WDR7: variants seen among roughly 807,000 people sequenced by gnomAD.
WDR7 encodes WD repeat-containing protein 7.
In WDR7, 46 loss-of-function variants were observed where a neutral mutation model predicts 169.4. The observed-to-expected ratio is 0.27, with a 90% CI of 0.21 to 0.35. WDR7 has a LOEUF of 0.35. Among genes scored for constraint, WDR7 ranks in the 10% least tolerant of loss-of-function variants. WDR7 has a pLI of 1.00. For synonymous variants in WDR7, 612 were observed against 666.8 expected (o/e 0.92, Z 1.27); for missense variants, 1,534 against 1,859.3 (o/e 0.83, Z 3.22).
chr18:56,662,711 G>C (rs1253895978), intron 1 of WDR7, among the ~76,000 whole-genome samples: 1 of 152,112 alleles, frequency 6.6e-6, no homozygotes, highest in African/African-American at 2.4e-5. Flanking sequence ...ACAGGTGATG[G>C]AGGAACAAGG....
In WDR7 at chr18:56,842,136, T is replaced by A. The variant is rs544768291; in HGVS notation, c.3304+25992T>A. ...TATTTGTTTTCATTTTAACATTTAG[T>A]TGAAACCTATCTTAGTCCCTTTTGT... On this transcript the variant is annotated intron_variant, in intron 20 of 27. Coordinates refer to ENST00000254442, the MANE Select transcript of WDR7 (RefSeq NM_015285.3). Among the ~76,000 whole-genome samples, 8 of 152,308 alleles carry A rather than the reference T, an allele frequency of 5.3e-5. No individual in the cohort carries two copies. The South Asian group carries it at 1.7e-3, about 32-fold the overall frequency.
At position 56,696,478 on chromosome 18, in the gene WDR7, T is replaced by C. The variant is rs760442464; in HGVS notation, c.1578+16T>C. On this transcript the variant is annotated intron_variant, in intron 12 of 27. Transcript: ENST00000254442. ...AAACTGTAGTGTAAGTTGATTTATATAAAAGATTATTTCACTATGGTAGAG... is the reference window on the plus strand; with the variant it reads ...AAACTGTAGTGTAAGTTGATTTATACAAAAGATTATTTCACTATGGTAGAG... The C allele has an allele frequency of 1.8e-5, 29 of 1,590,150 alleles. No homozygotes were observed. The highest frequency in any genetic ancestry group is 2.3e-5 in the Non-Finnish European group (27 of 1,166,350).
intron 19 of WDR7, among the ~76,000 whole-genome samples, chr18:56,800,614 C>T (rs1347342492): frequency 6.6e-6 from 1 of 152,062 alleles, no homozygotes; most frequent in Non-Finnish European, 1.5e-5. Context: ...TATTTTGTCC[C>T]CAAAGACCCA....
intron 2 of WDR7, among the ~76,000 whole-genome samples, chr18:56,676,959 T>G (rs924585930): frequency 2.6e-5 from 4 of 152,224 alleles, no homozygotes; most frequent in African/African-American, 9.6e-5. Context: ...TTGTACCGTC[T>G]GTGTCTTGAA....
At chr18:56,861,860 C>A (rs751809795) in intron 20 of WDR7, among the ~76,000 whole-genome samples, 8 of 152,004 alleles carry the variant, frequency 5.3e-5, no homozygotes. Flanking sequence ...GCTTAATAGC[C>A]TCGAGTGTAA....
At chr18:57,001,504 CTGA>C (rs1342261028) in intron 26 of WDR7, among the ~76,000 whole-genome samples, 1 of 152,166 alleles carries the variant, frequency 6.6e-6, no homozygotes, top group Non-Finnish European at 1.5e-5. Context: ...TCACTCTTTC[CTGA>C]TGTATCTATT....
chr18:57,013,871 T>C (rs146437538), intron 26 of WDR7, among the ~76,000 whole-genome samples: 9 of 152,154 alleles, frequency 5.9e-5, no homozygotes, highest in Admixed American at 3.9e-4. Context: ...ACTGTACGAG[T>C]TTTTCCTTTT....
chr18:56,857,185 A>C lies in WDR7; in HGVS notation c.3305-22759A>C, dbSNP rs181067458. On this transcript the variant is annotated intron_variant, in intron 20 of 27. Coordinates refer to ENST00000254442, the MANE Select transcript of WDR7 (RefSeq NM_015285.3). The stretch of plus-strand genomic sequence containing the variant: ...CTAGAGTGGAAGGAAAGTAATAAAT[A>C]GTGGTTTCTGATATAGTATTCTTCC... Among the ~76,000 whole-genome samples the C allele has an allele frequency of 2.6e-4, 40 of 152,348 alleles. 1 individual carries two copies. The East Asian group carries it at 2.7e-3, about 10-fold the overall frequency.
At chr18:56,862,829 A>G (rs2045827243) in intron 20 of WDR7, among the ~76,000 whole-genome samples, 1 of 151,856 alleles carries the variant, frequency 6.6e-6, no homozygotes, top group Non-Finnish European at 1.5e-5. Flanking sequence ...ATGGCTATCT[A>G]ATTTTACCTG....
intron 4 of WDR7, among the ~76,000 whole-genome samples, chr18:56,682,396 A>G (rs1271194400): frequency 6.6e-6 from 1 of 152,218 alleles, no homozygotes; most frequent in Non-Finnish European, 1.5e-5. Context: ...AGAGGGGGAT[A>G]AAAACAATTA....
intron 21 of WDR7, among the ~76,000 whole-genome samples, chr18:56,912,310 C>T (rs1292479683): frequency 6.6e-6 from 1 of 152,136 alleles, no homozygotes; most frequent in Non-Finnish European, 1.5e-5. Flanking sequence ...AAACCAGAGA[C>T]ACTCATATCC....
intron 21 of WDR7, among the ~76,000 whole-genome samples, chr18:56,901,868 C>G (rs2046407268): frequency 6.6e-6 from 1 of 152,004 alleles, no homozygotes. Flanking sequence ...GTTGTCAGTT[C>G]ACTGGGACAG....
chr18:56,674,317 T>C (rs1397357233), intron 2 of WDR7, among the ~76,000 whole-genome samples: 1 of 152,196 alleles, frequency 6.6e-6, no homozygotes, highest in African/African-American at 2.4e-5. Flanking sequence ...TCTTTTTGAT[T>C]CTAGCCCGAA....
intron 14 of WDR7, among the ~76,000 whole-genome samples, chr18:56,755,097 CT>C (rs915261715): frequency 6.1e-5 from 9 of 146,396 alleles, no homozygotes; most frequent in Admixed American, 2.0e-4. Flanking sequence ...TAGTTTTTTT[CT>C]TTTTTTTTTC....
rs1034469245 is a variant in WDR7, at chr18:56,725,938, G to C, written c.1775-5445G>C. Among the ~76,000 whole-genome samples the C allele has an allele frequency of 4.1e-4, 62 of 152,274 alleles. 1 individual carries two copies. The highest frequency in any genetic ancestry group is 1.4e-3 in the African/African-American group (60 of 41,560). ...TCCTTTCCCCATTTCTTGTTTTTGT[G>C]AGGTTTGTCAAAGATCAAATAGTTG... On this transcript the variant is annotated intron_variant, in intron 13 of 27. Coordinates refer to ENST00000254442, the MANE Select transcript of WDR7 (RefSeq NM_015285.3).
At chr18:56,937,480 A>G (rs960093286) in intron 23 of WDR7, among the ~76,000 whole-genome samples, 5 of 152,190 alleles carry the variant, frequency 3.3e-5, no homozygotes, top group African/African-American at 4.8e-5. Flanking sequence ...AGTATTTCTT[A>G]TTATTATCTC....
At chr18:56,963,835 T>G (rs1182128583) in intron 26 of WDR7, among the ~76,000 whole-genome samples, 1 of 152,110 alleles carries the variant, frequency 6.6e-6, no homozygotes, top group Non-Finnish European at 1.5e-5. Context: ...GTTCTTCAGA[T>G]AGCATTTTCA....
chr18:56,734,804 C>T (rs2026664409), intron 14 of WDR7, among the ~76,000 whole-genome samples: 1 of 152,052 alleles, frequency 6.6e-6, no homozygotes, highest in African/African-American at 2.4e-5. Context: ...TAAACTTCTT[C>T]AGGACAGCAG....
intron 20 of WDR7, among the ~76,000 whole-genome samples, chr18:56,853,333 A>G (rs552054982): frequency 6.6e-6 from 1 of 152,262 alleles, no homozygotes; most frequent in Non-Finnish European, 1.5e-5. Context: ...GTCGTATATC[A>G]TAAACATTGT....
Sources: allele counts gnomAD v4.1 joint callset (sites outside exome capture counted in the v4.1 genomes callset), GRCh38; gene constraint gnomAD v4.1.1; transcripts MANE v1.5; gene names NCBI Gene and HGNC (gene_info 2026-07-23, HGNC 2026-07-21).